Variants in NTRK1 observed in about 807,000 individuals in gnomAD.
The protein encoded by NTRK1 is neurotrophic receptor tyrosine kinase 1.
Under a neutral mutation model 86.8 loss-of-function variants are expected in NTRK1, and 62 were observed. That is an observed-to-expected ratio of 0.71 (90% CI 0.58 to 0.88). NTRK1 has a LOEUF of 0.88. Ranked by LOEUF, NTRK1 falls within the 40% of genes least tolerant of loss-of-function variation. NTRK1 has a pLI of 0.00. For synonymous variants in NTRK1, 469 were observed against 456.6 expected (o/e 1.03, Z -0.35); for missense variants, 967 against 1,078.4 (o/e 0.90, Z 1.45).
rs1647858636 is a variant in NTRK1, at chr1:156,875,667, G to A, written c.1501+1G>A. ...AACCCACAATACTTCAGTGATGCCTGTGAGGGGCTATGCTGGGTCAAGGGC... is the reference window on the plus strand; with the variant it reads ...AACCCACAATACTTCAGTGATGCCTATGAGGGGCTATGCTGGGTCAAGGGC... On this transcript the variant is annotated splice_donor_variant, in intron 12 of 16. Transcript: ENST00000524377. LOFTEE classifies it high-confidence loss of function. 2.5e-6 allele frequency: 4 copies of A among 1,612,476 alleles called. No homozygotes were observed. The highest frequency in any genetic ancestry group is 3.4e-6 in the Non-Finnish European group (4 of 1,179,952).
chr1:156,841,818 A>G, intron 1 of NTRK1: 13 of 1,614,044 alleles, frequency 8.1e-6, no homozygotes, highest in Non-Finnish European at 1.1e-5. Context: ...GTGAGGGTGG[A>G]GGAGGTGTGG....
At chr1:156,839,944 AT>A (rs1654713222) in intron 1 of NTRK1, 1 of 152,028 alleles carries the variant, frequency 6.6e-6, no homozygotes, top group South Asian at 2.1e-4. Context: ...ACAGCAGTGT[AT>A]TTATCCCGTG....
At chr1:156,821,437 G>C (rs969931358) in intron 1 of NTRK1, among the ~76,000 whole-genome samples, 1 of 150,902 alleles carries the variant, frequency 6.6e-6, no homozygotes, top group African/African-American at 2.4e-5. Flanking sequence ...CCCCCTCAGA[G>C]GCCCCCTAAT....
At chr1:156,834,111 G>A (rs935368818) in intron 1 of NTRK1, among the ~76,000 whole-genome samples, 3 of 152,072 alleles carry the variant, frequency 2.0e-5, no homozygotes, top group South Asian at 2.1e-4. Context: ...CTAAGGGGAC[G>A]CCTAACACTC....
At chr1:156,819,434 G>A (rs1654121020) in intron 1 of NTRK1, among the ~76,000 whole-genome samples, 1 of 151,018 alleles carries the variant, frequency 6.6e-6, no homozygotes, top group Admixed American at 6.6e-5. Context: ...ATGTTTGTTG[G>A]CTGTTTGTAT....
At chr1:156,864,482 C>G (rs1465361277) in intron 2 of NTRK1, 54 bp downstream of exon 2, 16 of 1,572,512 alleles carry the variant, frequency 1.0e-5, no homozygotes, top group Admixed American at 1.7e-5. Context: ...TGGGGGAGAC[C>G]AGAAGGTCAG....
At chr1:156,863,105 A>G (rs574109209) in intron 1 of NTRK1, among the ~76,000 whole-genome samples, 69 of 152,202 alleles carry the variant, frequency 4.5e-4, no homozygotes, top group Admixed American at 3.6e-3. Flanking sequence ...ACATGTCACT[A>G]CAGGGCAGCC....
In NTRK1 at chr1:156,876,646, C is replaced by G. The variant is rs1647938701; in HGVS notation, c.1805+74C>G. On this transcript the variant is annotated intron_variant, in intron 14 of 16. Coordinates refer to ENST00000524377, the MANE Select transcript of NTRK1 (RefSeq NM_002529.4). ...CCGTCTTCCCTTCCCTATAGACATC[C>G]CTGCTTGTCTTTCAAACCAAGGGGA... 3.3e-6 allele frequency: 5 copies of G among 1,519,234 alleles called. No individual in the cohort carries two copies. In the Admixed American group the frequency reaches 7.7e-5, roughly 23 times the overall value. The allele number at this position is 1,519,234 out of a possible 1,614,324, so 94.1% of individuals were successfully genotyped here. A position where few individuals can be genotyped will look rare whatever the true frequency, so the allele number is the denominator to read the frequency against.
At chr1:156,842,446 G>A (rs759466951) in intron 2 of NTRK1, 1 of 1,613,994 alleles carries the variant, frequency 6.2e-7, no homozygotes, top group East Asian at 2.2e-5. Context: ...GGTCCCCACG[G>A]GTCATTAACT....
At chr1:156,877,283 A>G (rs537743219) in intron 14 of NTRK1, among the ~76,000 whole-genome samples, 19 of 152,374 alleles carry the variant, frequency 1.2e-4, no homozygotes, top group African/African-American at 4.1e-4. Flanking sequence ...CCAAGCATAT[A>G]TTGCAATTTA....
chr1:156,878,695 G>A (rs1434448013), intron 14 of NTRK1, among the ~76,000 whole-genome samples: 2 of 152,178 alleles, frequency 1.3e-5, no homozygotes, highest in East Asian at 1.9e-4. Context: ...AGGGCAGAGG[G>A]GAGAGAGACA....
intron 1 of NTRK1, among the ~76,000 whole-genome samples, chr1:156,864,117 A>AT (rs1655811872): frequency 6.6e-6 from 1 of 151,906 alleles, no homozygotes. Flanking sequence ...GGGGATCCAT[A>AT]TGTATGTGCG....
At chr1:156,816,711 G>A (rs368443172) in intron 1 of NTRK1, 2 of 1,598,120 alleles carry the variant, frequency 1.3e-6, no homozygotes, top group Middle Eastern at 1.7e-4. Flanking sequence ...AACTCCATGA[G>A]GGCAGCCTCA....
intron 5 of NTRK1, 59 bp from the exon 6 acceptor site, chr1:156,868,446 G>A: frequency 1.3e-5 from 20 of 1,549,542 alleles, no homozygotes; most frequent in Non-Finnish European, 1.7e-5. Context: ...CCGCAGTAGA[G>A]TTCTGGGGCC....
chr1:156,819,056 G>A (rs1046043675), intron 1 of NTRK1, among the ~76,000 whole-genome samples: 1 of 152,138 alleles, frequency 6.6e-6, no homozygotes, highest in Admixed American at 6.5e-5. Flanking sequence ...AGGCTGGAGT[G>A]CAATGGCGCT....
At chr1:156,845,693 G>T (rs759382550) in intron 2 of NTRK1, 108 of 1,612,596 alleles carry the variant, frequency 6.7e-5, no homozygotes, top group Non-Finnish European at 8.9e-5. Flanking sequence ...CCTCCAGCGG[G>T]GGCAGAACCT....
chr1:156,819,112 C>T (rs1440938198), intron 1 of NTRK1, among the ~76,000 whole-genome samples: 3 of 152,104 alleles, frequency 2.0e-5, no homozygotes, highest in East Asian at 3.9e-4. Flanking sequence ...AAGTGATTCT[C>T]CTGCCTCAAC....
intron 2 of NTRK1, chr1:156,851,834 C>G: frequency 7.0e-6 from 11 of 1,577,426 alleles, no homozygotes; most frequent in Non-Finnish European, 9.5e-6. Flanking sequence ...CAGTTTGGGC[C>G]TCCTCAGGCC....
chr1:156,872,997 C>T (rs1031560919), intron 7 of NTRK1, among the ~76,000 whole-genome samples: 8 of 147,244 alleles, frequency 5.4e-5, no homozygotes, highest in South Asian at 2.1e-4. Flanking sequence ...CTATTTCAAA[C>T]GCATATCTTT....
Sources: gnomAD v4.1 joint callset for allele counts (sites outside exome capture counted in the v4.1 genomes callset) on GRCh38, gnomAD v4.1.1 for gene constraint, MANE v1.5 for transcripts, NCBI Gene and HGNC (gene_info 2026-07-23, HGNC 2026-07-21) for gene names.